NIBAN1: variants seen among roughly 807,000 people sequenced by gnomAD.
NIBAN1 encodes niban apoptosis regulator 1, also known as protein Niban 1.
A neutral mutation model predicts 75.1 loss-of-function variants in NIBAN1; 81 were observed. The observed-to-expected ratio is 1.08, with a 90% confidence interval of 0.90 to 1.30. NIBAN1 has a LOEUF of 1.30. NIBAN1 is among the 50% of genes most tolerant of loss of function. The pLI is 0.00. For missense variants in NIBAN1, 1,133 were observed against 1,128.1 expected (o/e 1.00, Z -0.06); for synonymous variants, 436 against 424.8 (o/e 1.03, Z -0.32).
chr1:184,795,277 C>T lies in NIBAN1; in HGVS notation c.2487G>A (p.Gly829=), dbSNP rs140964022. Residue 829 remains glycine, a synonymous_variant, in exon 14 of 14, where the codon GGG becomes GGA. Coordinates refer to ENST00000367511, the MANE Select transcript of NIBAN1 (RefSeq NM_052966.4). ...CATCCCCTTCCTCGGTACACTTGCCCCCTCTTCCTTCATGGGCAGTGAGTG... is the reference window on the plus strand; with the variant it reads ...CATCCCCTTCCTCGGTACACTTGCCTCCTCTTCCTTCATGGGCAGTGAGTG... ...ACTLTAHEGR[G]GKCTEEGDAS... is the part of the protein sequence containing the mutation. 1 of 1,612,932 alleles carries T rather than the reference C, an allele frequency of 6.2e-7. No individual in the cohort carries two copies. Among genetic ancestry groups the T allele is most frequent in the Non-Finnish European group, 8.5e-7 (1 of 1,180,040 alleles).
chr1:184,868,945 C>T (rs1656028059), intron 5 of NIBAN1, among the ~76,000 whole-genome samples: 1 of 152,104 alleles, frequency 6.6e-6, no homozygotes, highest in Admixed American at 6.5e-5. Flanking sequence ...ATAATAGTGC[C>T]TACCTCACAG....
chr1:184,819,402 C>T (rs147828584), intron 8 of NIBAN1, among the ~76,000 whole-genome samples: 1 of 151,986 alleles, frequency 6.6e-6, no homozygotes, highest in African/African-American at 2.4e-5. Flanking sequence ...TTTTTCTGAC[C>T]AAGATGACAT....
At position 184,795,335 on chromosome 1, in the gene NIBAN1, GGCCCCAGGGGCTCCTCGGTGA is replaced by G. The variant is rs1287065726; in HGVS notation, c.2408_2428del (p.Leu803_Gly809del). The stretch of plus-strand genomic sequence containing the variant: ...CTCTCCTGGGAGCTCCCCCTCCATG[GGCCCCAGGGGCTCCTCGGTGA>G]GCCCTCCACTGGCTGGCGGAGAGGC... On this transcript the variant is annotated inframe_deletion, in exon 14 of 14. Transcript: ENST00000367511. The G allele has an allele frequency of 6.2e-7, 1 of 1,609,682 alleles. No homozygotes were observed. Among genetic ancestry groups the G allele is most frequent in the Non-Finnish European group, 8.5e-7 (1 of 1,178,120 alleles).
At chr1:184,934,037 T>G (rs1657891627) in intron 1 of NIBAN1, among the ~76,000 whole-genome samples, 1 of 152,020 alleles carries the variant, frequency 6.6e-6, no homozygotes, top group Non-Finnish European at 1.5e-5. Flanking sequence ...AAATCATGGG[T>G]TCAAGAAAGA....
chr1:184,897,277 A>AGTGTGTGTGTGTGT (rs34548568), intron 2 of NIBAN1, among the ~76,000 whole-genome samples: 4 of 132,684 alleles, frequency 3.0e-5, no homozygotes, highest in East Asian at 2.2e-4. Flanking sequence ...TGTACTCCTA[A>AGTGTGTGTGTGTGT]GTGTGTGTGT....
rs116981154 is a variant in NIBAN1 at position 184,813,674 on chromosome 1, A to G, written c.1173+4964T>C. On this transcript the variant is annotated intron_variant, in intron 9 of 13. Coordinates refer to ENST00000367511, the MANE Select transcript of NIBAN1 (RefSeq NM_052966.4). Reference sequence around the variant, plus strand: ...GTCAGAAAGTCTAAACATGTCGTACATGGTCTGTGTAAGTTGTGAAATAAT... The same window carrying G: ...GTCAGAAAGTCTAAACATGTCGTACGTGGTCTGTGTAAGTTGTGAAATAAT... 3.0e-3 allele frequency among the ~76,000 whole-genome samples: 453 copies of G among 152,352 alleles called. 5 individuals are homozygous for G. The East Asian group carries it at 0.038, about 13-fold the overall frequency.
chr1:184,791,141 C>A lies in NIBAN1; in HGVS notation c.*3836G>T. ...TATAGTGACCGGGAAAGTCAATCCA[C>A]AGTGTCGATTTTTTTTCTTGAAGTT... On this transcript the variant is annotated 3_prime_UTR_variant, in exon 14 of 14. Transcript: ENST00000367511. 1 of 434,842 alleles carries A rather than the reference C, an allele frequency of 2.3e-6. No homozygotes were observed. The highest frequency in any genetic ancestry group is 4.7e-6 in the Non-Finnish European group (1 of 213,046). The allele number at this position is 434,842 out of a possible 1,614,324, so 26.9% of individuals were successfully genotyped here.
intron 1 of NIBAN1, among the ~76,000 whole-genome samples, chr1:184,947,434 C>A (rs902381487): frequency 6.6e-6 from 1 of 151,896 alleles, no homozygotes; most frequent in Non-Finnish European, 1.5e-5. Context: ...TTTATGTTGG[C>A]GATGATGAAA....
At chr1:184,955,506 A>T (rs6424968) in intron 1 of NIBAN1, among the ~76,000 whole-genome samples, 91,022 of 151,606 alleles carry the variant, frequency 0.6, 27,917 homozygotes, top group Non-Finnish European at 0.66. Context: ...GCCCGGCTAA[A>T]TTTTTGTATT....
rs775947562 is a variant in NIBAN1, at chr1:184,794,982, C to T, written c.2782G>A (p.Glu928Lys). Residue 928 changes from glutamate to lysine, a missense_variant, in exon 14 of 14, where the codon GAG (glutamate) becomes AAG (lysine). Physicochemically the swap from Glu to Lys is moderately conservative, Grantham distance 56. Coordinates refer to ENST00000367511, the MANE Select transcript of NIBAN1 (RefSeq NM_052966.4). ...CTTCAGCCAAATTGTCCCTTTCACT[C>T]CTCTGAGGGCAGCTCTGGGAAACTC... ...QESFPELPSEE is the reference protein window; with the variant it reads ...QESFPELPSEK 2.9e-5 allele frequency: 47 copies of T among 1,609,264 alleles called. 1 individual carries two copies. The South Asian group carries it at 4.9e-4, about 17-fold the overall frequency.
Position 184,871,491 on chromosome 1 carries a change from A to G in NIBAN1, c.601+13142T>C, listed in dbSNP as rs528439957. On this transcript the variant is annotated intron_variant, in intron 5 of 13. Transcript: ENST00000367511. ...GAAGCCTGGAATGGATCCTTTTCTCATTGCCCTCAGAAGGAACCAACCCTG... is the reference window on the plus strand; with the variant it reads ...GAAGCCTGGAATGGATCCTTTTCTCGTTGCCCTCAGAAGGAACCAACCCTG... 3.9e-4 allele frequency among the ~76,000 whole-genome samples: 60 copies of G among 152,154 alleles called. 1 individual carries two copies. The South Asian group carries it at 0.012, about 31-fold the overall frequency.
In NIBAN1 at chr1:184,831,902, C is replaced by T. The variant is rs144689007; in HGVS notation, c.662G>A (p.Arg221Gln). 4.4e-5 allele frequency: 71 copies of T among 1,614,012 alleles called. No individual in the cohort carries two copies. In the African/African-American group the frequency reaches 7.7e-4, roughly 18 times the overall value. ...QAFLEAVQFF[R>Q]QEKGHYGSWE... ...GGAACCATAGTGACCCTTCTCCTGT[C>T]GGAAGAATTGCACAGCTTCTAAAAA... Residue 221 changes from arginine (R) to glutamine (Q), a missense_variant, in exon 6 of 14, where the codon CGA becomes CAA. Arg to Gln is a conservative substitution (Grantham distance 43, BLOSUM62 1). Transcript: ENST00000367511.
chr1:184,796,215 G>A (rs190020807), intron 13 of NIBAN1, 118 bp from the exon 14 acceptor site: 7 of 1,093,976 alleles, frequency 6.4e-6, no homozygotes, highest in Admixed American at 6.2e-5. Flanking sequence ...TACATCCAGG[G>A]AGCCTTCCCT....
intron 5 of NIBAN1, among the ~76,000 whole-genome samples, chr1:184,843,128 A>C (rs918286315): frequency 1.3e-5 from 2 of 152,228 alleles, no homozygotes; most frequent in African/African-American, 4.8e-5. Flanking sequence ...AGGAATCAAC[A>C]CTTCAGGTGG....
chr1:184,914,475 C>A (rs763540466), intron 1 of NIBAN1, among the ~76,000 whole-genome samples: 1 of 152,116 alleles, frequency 6.6e-6, no homozygotes, highest in Non-Finnish European at 1.5e-5. Context: ...CTGTTCTGTG[C>A]GGTACAACAG....
intron 1 of NIBAN1, among the ~76,000 whole-genome samples, chr1:184,954,484 G>A (rs1423374276): frequency 1.3e-5 from 2 of 152,106 alleles, no homozygotes; most frequent in Non-Finnish European, 2.9e-5. Flanking sequence ...CAGGGCAAAG[G>A]CAAATGACCT....
At position 184,835,706 on chromosome 1, in the gene NIBAN1, TTTGCTGAAG is replaced by T. The variant is rs369169967; in HGVS notation, c.602-3753_602-3745del. Among the ~76,000 whole-genome samples the T allele has an allele frequency of 6.2e-4, 94 of 152,358 alleles. 2 individuals carry two copies. The East Asian group carries it at 0.016, about 26-fold the overall frequency. On this transcript the variant is annotated intron_variant, in intron 5 of 13. Coordinates refer to ENST00000367511, the MANE Select transcript of NIBAN1 (RefSeq NM_052966.4). ...GCACATTGATTTTGTATCCTGAGAC[TTTGCTGAAG>T]TTGCTTATCAGCTTAAGGAGATTTG...
At chr1:184,803,527 C>T in intron 12 of NIBAN1, 58 bp downstream of exon 12, 2 of 1,381,320 alleles carry the variant, frequency 1.4e-6, no homozygotes, top group South Asian at 2.4e-5. Flanking sequence ...CACAAAAGAA[C>T]TTGTTTGAAC....
chr1:184,908,181 C>T (rs940542961), intron 1 of NIBAN1, among the ~76,000 whole-genome samples: 7 of 152,206 alleles, frequency 4.6e-5, no homozygotes, highest in Non-Finnish European at 1.5e-5. Flanking sequence ...CTTCCCAAGT[C>T]CTGTTCTAAA....
Sources: gnomAD v4.1 joint callset for allele counts (sites outside exome capture counted in the v4.1 genomes callset) on GRCh38, gnomAD v4.1.1 for gene constraint, MANE v1.5 for transcripts, NCBI Gene and HGNC (gene_info 2026-07-23, HGNC 2026-07-21) for gene names.